DDC: variants seen among roughly 807,000 people sequenced by gnomAD.
DDC encodes the protein dopa decarboxylase.
DDC carries 43 observed loss-of-function variants against 60.0 expected under a neutral mutation model. That is an observed-to-expected ratio of 0.72 (90% CI 0.56 to 0.92). DDC has a LOEUF of 0.92. Among genes scored for constraint, DDC ranks in the 40% least tolerant of loss-of-function variants. DDC has a pLI of 0.00. For missense variants in DDC, 573 were observed against 620.2 expected, an observed-to-expected ratio of 0.92 and a Z score of 0.81; for synonymous variants, 232 against 234.6, an observed-to-expected ratio of 0.99 and a Z score of 0.10.
chr7:50,465,296 T>C (rs1207250938), intron 13 of DDC, among the ~76,000 whole-genome samples: 1 of 152,270 alleles, frequency 6.6e-6, no homozygotes, highest in East Asian at 1.9e-4. Context: ...GGGTTTCTTT[T>C]AGGGGGATGA....
intron 9 of DDC, among the ~76,000 whole-genome samples, chr7:50,481,332 G>T (rs1343874269): frequency 6.6e-6 from 1 of 152,202 alleles, no homozygotes; most frequent in Non-Finnish European, 1.5e-5. Context: ...GAATTTTCTT[G>T]CATCATAGGC....
At chr7:50,553,962 T>G (rs1200055764) in intron 1 of DDC, among the ~76,000 whole-genome samples, 1 of 152,224 alleles carries the variant, frequency 6.6e-6, no homozygotes, top group Non-Finnish European at 1.5e-5. Context: ...AGTTCTTTCT[T>G]TAACCCTTAA....
At chr7:50,545,164 G>C (rs959752472) in intron 1 of DDC, among the ~76,000 whole-genome samples, 2 of 152,224 alleles carry the variant, frequency 1.3e-5, no homozygotes, top group Non-Finnish European at 2.9e-5. Context: ...ACGCAAGAAG[G>C]TAGTGTGTCC....
At chr7:50,496,435 C>T (rs1585183672) in intron 8 of DDC, among the ~76,000 whole-genome samples, 1 of 152,116 alleles carries the variant, frequency 6.6e-6, no homozygotes, top group East Asian at 1.9e-4. Context: ...CAGCTACAGG[C>T]TCCCGTAGCT....
At chr7:50,562,766 AC>A (rs2045369463) in intron 1 of DDC, among the ~76,000 whole-genome samples, 2 of 152,228 alleles carry the variant, frequency 1.3e-5, no homozygotes, top group Admixed American at 6.5e-5. Context: ...CACCAGGGGG[AC>A]ACAGGTATGA....
chr7:50,549,781 A>C (rs1219928015), intron 1 of DDC, among the ~76,000 whole-genome samples: 1 of 152,198 alleles, frequency 6.6e-6, no homozygotes, highest in Non-Finnish European at 1.5e-5. Context: ...TTTCAGTGGA[A>C]GAAGTCACTG....
chr7:50,487,711 T>C (rs890588574), intron 9 of DDC, among the ~76,000 whole-genome samples: 31 of 152,164 alleles, frequency 2.0e-4, no homozygotes, highest in African/African-American at 7.5e-4. Flanking sequence ...ATTTAGTAAA[T>C]AATCCAAATG....
At chr7:50,467,003 A>G (rs974681788) in intron 13 of DDC, among the ~76,000 whole-genome samples, 2 of 152,232 alleles carry the variant, frequency 1.3e-5, no homozygotes. Flanking sequence ...TAGAAGTCTC[A>G]TGGCAGGCTT....
intron 1 of DDC, among the ~76,000 whole-genome samples, chr7:50,544,488 C>A (rs1165963090): frequency 1.3e-5 from 2 of 152,160 alleles, no homozygotes; most frequent in African/African-American, 4.8e-5. Context: ...CCCCTTAGAG[C>A]CCCTCTCCTC....
Position 50,467,334 on chromosome 7 carries a change from A to G in DDC, c.1141-19T>C. On this transcript the variant is annotated intron_variant, in intron 12 of 14. Transcript: ENST00000444124. ...GGACATGCTTCAAAGAGGAAAGGGAAAATCTGTTTTTCTCATGGCCATTTA... is the reference window on the plus strand; with the variant it reads ...GGACATGCTTCAAAGAGGAAAGGGAGAATCTGTTTTTCTCATGGCCATTTA... 6.2e-7 allele frequency: 1 copy of G among 1,607,094 alleles called. No homozygotes were observed. Among genetic ancestry groups the G allele is most frequent in the Non-Finnish European group, 8.5e-7 (1 of 1,173,658 alleles).
chr7:50,469,030 C>A (rs139387905), intron 12 of DDC, among the ~76,000 whole-genome samples: 7,758 of 150,316 alleles, frequency 0.052, 470 homozygotes, highest in African/African-American at 0.15. Flanking sequence ...ACCTCTGCCT[C>A]CCAGGTTCAA....
intron 9 of DDC, among the ~76,000 whole-genome samples, chr7:50,490,903 G>A (rs1403688056): frequency 6.6e-6 from 1 of 152,112 alleles, no homozygotes; most frequent in African/African-American, 2.4e-5. Flanking sequence ...TTATAATCTT[G>A]TATTTAATAC....
chr7:50,487,382 G>A (rs1303244231), intron 9 of DDC, among the ~76,000 whole-genome samples: 11 of 152,130 alleles, frequency 7.2e-5, no homozygotes, highest in African/African-American at 1.2e-4. Flanking sequence ...GTAGTGTATC[G>A]TAGGATGTGT....
intron 3 of DDC, 165 bp downstream of exon 3, chr7:50,539,750 G>A (rs2044551922): frequency 1.6e-6 from 1 of 637,692 alleles, no homozygotes; most frequent in South Asian, 1.7e-5. Flanking sequence ...CTTTCTCAGA[G>A]GCACTCTCTC....
At chr7:50,474,717 G>T (rs1428197460) in intron 11 of DDC, among the ~76,000 whole-genome samples, 2 of 152,196 alleles carry the variant, frequency 1.3e-5, no homozygotes, top group Non-Finnish European at 2.9e-5. Context: ...AAAGGACTTT[G>T]GTTCCCAGAG....
At chr7:50,472,632 A>T (rs1314183258) in intron 11 of DDC, among the ~76,000 whole-genome samples, 1 of 152,168 alleles carries the variant, frequency 6.6e-6, no homozygotes, top group African/African-American at 2.4e-5. Flanking sequence ...TGAAACAGGC[A>T]TAATGATGCC....
chr7:50,564,146 AC>A (rs1362751174), intron 1 of DDC: 3 of 152,224 alleles, frequency 2.0e-5, no homozygotes, highest in Non-Finnish European at 2.9e-5. Context: ...ATTAAGCAGC[AC>A]CAACATGTCC....
intron 5 of DDC, among the ~76,000 whole-genome samples, chr7:50,528,676 G>T (rs1014582295): frequency 6.6e-6 from 1 of 152,120 alleles, no homozygotes; most frequent in Non-Finnish European, 1.5e-5. Context: ...GGGGAGCTTG[G>T]TGGCCAGGCT....
chr7:50,539,809 G>A (rs1271842687), intron 3 of DDC, 106 bp downstream of exon 3: 1 of 818,644 alleles, frequency 1.2e-6, no homozygotes, highest in Non-Finnish European at 2.1e-6. Flanking sequence ...TCTGCCCACA[G>A]ACAGCACCGC....
Sources: allele counts gnomAD v4.1 joint callset (sites outside exome capture counted in the v4.1 genomes callset), GRCh38; gene constraint gnomAD v4.1.1; transcripts MANE v1.5; gene names NCBI Gene and HGNC (gene_info 2026-07-23, HGNC 2026-07-21).